Variants in FNDC3B observed in about 807,000 individuals in gnomAD.
The protein encoded by FNDC3B is fibronectin type III domain-containing protein 3B.
FNDC3B carries 12 observed loss-of-function variants against 151.5 expected under a neutral mutation model. The ratio of observed to expected loss-of-function variants is 0.08; its 90% confidence interval spans 0.05 to 0.13. FNDC3B has a LOEUF of 0.13. Among genes scored for constraint, FNDC3B ranks in the 10% least tolerant of loss-of-function variants. The pLI is 1.00. For synonymous variants in FNDC3B, 528 were observed against 549.0 expected (o/e 0.96, Z 0.54); for missense variants, 1,214 against 1,505.3 (o/e 0.81, Z 3.20).
Position 172,352,310 on chromosome 3 carries a change from C to T in FNDC3B, c.2515-493C>T, listed in dbSNP as rs904863460. 1.3e-5 allele frequency among the ~76,000 whole-genome samples: 2 copies of T among 152,150 alleles called. No homozygotes were observed. Among genetic ancestry groups the T allele is most frequent in the Admixed American group, 1.3e-4 (2 of 15,280 alleles). On this transcript the variant is annotated intron_variant, in intron 21 of 25. Coordinates refer to ENST00000415807, the MANE Select transcript of FNDC3B (RefSeq NM_022763.4). The surrounding 1 kb of genome is among the most constrained non-coding windows in gnomAD (Gnocchi z 4.2). ...TGACTTCAGGGATGAGTTTATTATTCATGTGGAAGATAGAAGATGCCTTTT... is the reference window on the plus strand; with the variant it reads ...TGACTTCAGGGATGAGTTTATTATTTATGTGGAAGATAGAAGATGCCTTTT...
At chr3:172,240,380 C>T (rs1392732229) in intron 4 of FNDC3B, among the ~76,000 whole-genome samples, 1 of 152,110 alleles carries the variant, frequency 6.6e-6, no homozygotes. Context: ...CATTATGTAT[C>T]AGGTACTGTT....
intron 9 of FNDC3B, among the ~76,000 whole-genome samples, chr3:172,300,255 T>C (rs1730839187): frequency 6.6e-6 from 1 of 152,202 alleles, no homozygotes; most frequent in African/African-American, 2.4e-5. Context: ...AACCAGAAAA[T>C]GTAAAAGTCA....
intron 1 of FNDC3B, among the ~76,000 whole-genome samples, chr3:172,102,285 T>C (rs1719413068): frequency 2.0e-5 from 3 of 152,212 alleles, no homozygotes; most frequent in Admixed American, 6.5e-5. Flanking sequence ...TAAGAATTAG[T>C]GTGCAGGTGC....
chr3:172,071,745 T>C (rs183273999), intron 1 of FNDC3B, among the ~76,000 whole-genome samples: 1 of 152,276 alleles, frequency 6.6e-6, no homozygotes, highest in East Asian at 1.9e-4. Flanking sequence ...AAAAAGGGTA[T>C]GCACATTTTT....
chr3:172,143,581 G>A (rs866557908), intron 3 of FNDC3B, among the ~76,000 whole-genome samples: 2 of 151,942 alleles, frequency 1.3e-5, no homozygotes, highest in South Asian at 2.1e-4. Context: ...ATAAATTCTC[G>A]GTAAACTCTG....
In FNDC3B at chr3:172,084,993, C is replaced by T. The variant is rs542078070; in HGVS notation, c.-28-27459C>T. Among the ~76,000 whole-genome samples, 15 of 152,226 alleles carry T rather than the reference C, an allele frequency of 9.9e-5. No homozygotes were observed. The South Asian group carries it at 1.5e-3, about 15-fold the overall frequency. On this transcript the variant is annotated intron_variant, in intron 1 of 25. Coordinates refer to ENST00000415807, the MANE Select transcript of FNDC3B (RefSeq NM_022763.4). The stretch of plus-strand genomic sequence containing the variant: ...CAATTTCTGGAACAGCATATTAATG[C>T]ATAGTGGGTTCTCCAGCTCCATAGT...
In FNDC3B at chr3:172,329,053, C is replaced by T. The variant is rs1288202680; in HGVS notation, c.1356C>T (p.Ala452=). 34 of 1,613,104 alleles carry T rather than the reference C, an allele frequency of 2.1e-5. No homozygotes were observed. Among genetic ancestry groups the T allele is most frequent in the Non-Finnish European group, 2.5e-5 (30 of 1,179,504 alleles). Reference sequence around the variant, plus strand: ...CAATGGGGTACACATTCAGGCTGGCCGCTCGAAACGACATTGGTACCAGGT... The same window carrying T: ...CAATGGGGTACACATTCAGGCTGGCTGCTCGAAACGACATTGGTACCAGGT... ...CPAMGYTFRL[A]ARNDIGTSGY... is the part of the protein sequence containing the mutation. The change falls in exon 12 of 26, where the codon GCC becomes GCT. Residue 452 remains alanine, a synonymous_variant. Transcript: ENST00000415807.
At chr3:172,284,697 G>C (rs1729916616) in intron 6 of FNDC3B, among the ~76,000 whole-genome samples, 1 of 149,394 alleles carries the variant, frequency 6.7e-6, no homozygotes, top group Admixed American at 6.7e-5. Context: ...ACAGAGCTCA[G>C]CTAAATGCTG....
rs371463542 is a variant in FNDC3B, at chr3:172,321,880, C to T, written c.1255-7072C>T. On this transcript the variant is annotated intron_variant, in intron 11 of 25. Coordinates refer to ENST00000415807, the MANE Select transcript of FNDC3B (RefSeq NM_022763.4). ...AAGTGCCGGGATTACAGGCGTGAGC[C>T]ACCATGCCCAGCCAGACATTTATTT... 1.4e-4 allele frequency among the ~76,000 whole-genome samples: 21 copies of T among 152,328 alleles called. No individual in the cohort carries two copies. In the East Asian group the frequency reaches 3.5e-3, roughly 25 times the overall value.
In FNDC3B at chr3:172,075,996, A is replaced by G. The variant is rs114704281; in HGVS notation, c.-29+36225A>G. The stretch of plus-strand genomic sequence containing the variant: ...TTCACATGATAACCCTGTAAACTCA[A>G]CTATGGTTAGCTTGTTTGCCTTTAG... On this transcript the variant is annotated intron_variant, in intron 1 of 25. Transcript: ENST00000415807. Among the ~76,000 whole-genome samples the G allele has an allele frequency of 1.1e-3, 161 of 152,176 alleles. 1 individual carries two copies. Among genetic ancestry groups the G allele is most frequent in the African/African-American group, 3.6e-3 (151 of 41,538 alleles).
intron 9 of FNDC3B, among the ~76,000 whole-genome samples, chr3:172,301,400 A>C (rs184689348): frequency 1.3e-5 from 2 of 152,370 alleles, no homozygotes; most frequent in East Asian, 3.9e-4. Flanking sequence ...TTTACAGTCC[A>C]GTTAATAATC....
chr3:172,071,191 C>T (rs190687399), intron 1 of FNDC3B, among the ~76,000 whole-genome samples: 2 of 152,240 alleles, frequency 1.3e-5, no homozygotes, highest in Non-Finnish European at 2.9e-5. Context: ...CACTGTTCTT[C>T]AGTTTTATGT....
intron 3 of FNDC3B, among the ~76,000 whole-genome samples, chr3:172,135,528 C>T (rs1189477456): frequency 1.3e-5 from 2 of 152,100 alleles, no homozygotes; most frequent in African/African-American, 4.8e-5. Flanking sequence ...TCTTTGGCTC[C>T]CTCCAGGCTT....
Position 172,398,098 on chromosome 3 carries a change from A to C in FNDC3B, c.*623A>C, listed in dbSNP as rs927158385. On this transcript the variant is annotated 3_prime_UTR_variant, in exon 26 of 26. Transcript: ENST00000415807. ...AATCTGTATTTCTTATAATTTTAACACTATGAGCTGCCTGTATAAGAAATC... is the reference window on the plus strand; with the variant it reads ...AATCTGTATTTCTTATAATTTTAACCCTATGAGCTGCCTGTATAAGAAATC... 8 of 152,672 alleles carry C rather than the reference A, an allele frequency of 5.2e-5. No homozygotes were observed. The highest frequency in any genetic ancestry group is 1.2e-4 in the Non-Finnish European group (8 of 68,050). 9.5% of individuals were successfully genotyped at this position (152,672 alleles called of 1,614,324 possible).
intron 11 of FNDC3B, among the ~76,000 whole-genome samples, chr3:172,321,346 T>C (rs1378057102): frequency 6.6e-6 from 1 of 152,246 alleles, no homozygotes; most frequent in African/African-American, 2.4e-5. Context: ...TGCATAGCTG[T>C]TGATTGGCAA....
chr3:172,280,540 A>G (rs1030716098), intron 6 of FNDC3B, among the ~76,000 whole-genome samples: 1 of 152,218 alleles, frequency 6.6e-6, no homozygotes, highest in African/African-American at 2.4e-5. Context: ...ATGTTATGAC[A>G]GGGATATCTA....
At chr3:172,198,218 A>C (rs1346293352) in intron 3 of FNDC3B, among the ~76,000 whole-genome samples, 1 of 34,374 alleles carries the variant, frequency 2.9e-5, no homozygotes, top group East Asian at 8.1e-4. Context: ...TTTCTCTAAG[A>C]AGTCCTGGCT....
At chr3:172,262,808 C>T (rs942659505) in intron 6 of FNDC3B, among the ~76,000 whole-genome samples, 1 of 135,660 alleles carries the variant, frequency 7.4e-6, no homozygotes, top group African/African-American at 2.8e-5. Flanking sequence ...GAGATGGGAG[C>T]ATTGTTTGAA....
Position 172,144,690 on chromosome 3 carries a change from T to C in FNDC3B, c.187+11144T>C, listed in dbSNP as rs1000758776. 4.8e-5 allele frequency among the ~76,000 whole-genome samples: 7 copies of C among 146,488 alleles called. No individual in the cohort carries two copies. The Admixed American group carries it at 4.9e-4, about 10-fold the overall frequency. On this transcript the variant is annotated intron_variant, in intron 3 of 25. Transcript: ENST00000415807. ...GGACACACATTAAGAGTAACAAATATGGGTTTAAAAGGCAAACTTTTTTTT... is the reference window on the plus strand; with the variant it reads ...GGACACACATTAAGAGTAACAAATACGGGTTTAAAAGGCAAACTTTTTTTT...
Sources: allele counts gnomAD v4.1 joint callset (sites outside exome capture counted in the v4.1 genomes callset), GRCh38; gene constraint gnomAD v4.1.1; non-coding constraint Gnocchi (gnomAD v3.1); transcripts MANE v1.5; gene names NCBI Gene and HGNC (gene_info 2026-07-23, HGNC 2026-07-21).